Variants in CSMD1 observed in about 807,000 individuals in gnomAD.
CSMD1 encodes CUB and Sushi multiple domains 1.
CSMD1 carries 213 observed loss-of-function variants against 417.5 expected under a neutral mutation model. The ratio of observed to expected loss-of-function variants is 0.51; its 90% CI spans 0.46 to 0.57. The LOEUF is 0.57. Among genes scored for constraint, CSMD1 ranks in the 20% least tolerant of loss-of-function variants. The pLI, the probability that CSMD1 is intolerant of heterozygous loss-of-function variation, is 0.00. For synonymous variants in CSMD1, 2,862 were observed against 1,736.8 expected (o/e 1.65, Z -16.11); for missense variants, 6,923 against 4,529.7 (o/e 1.53, Z -15.17).
chr8:4,576,577 C>T (rs1360620984), intron 2 of CSMD1, among the ~76,000 whole-genome samples: 5 of 152,016 alleles, frequency 3.3e-5, no homozygotes, highest in African/African-American at 4.8e-5. Flanking sequence ...TGGGGTGTGG[C>T]GTTGGGTTAT....
intron 26 of CSMD1, among the ~76,000 whole-genome samples, chr8:3,251,329 C>T (rs1343650963): frequency 6.6e-6 from 1 of 152,224 alleles, no homozygotes; most frequent in African/African-American, 2.4e-5. Context: ...GAATCCTTTC[C>T]CCATTGCTTG....
chr8:4,983,288 G>T (rs141966661), intron 1 of CSMD1, among the ~76,000 whole-genome samples: 2 of 152,304 alleles, frequency 1.3e-5, no homozygotes, highest in East Asian at 3.9e-4. Flanking sequence ...TTCAACGAGT[G>T]TTTTCACAAA....
intron 3 of CSMD1, among the ~76,000 whole-genome samples, chr8:4,408,325 TAAAAC>T (rs1796449370): frequency 6.6e-6 from 1 of 152,176 alleles, no homozygotes; most frequent in African/African-American, 2.4e-5. Context: ...GTAAGCTACT[TAAAAC>T]AAACTGGGAA....
At chr8:3,988,178 C>G (rs74585596) in intron 5 of CSMD1, among the ~76,000 whole-genome samples, 1 of 152,082 alleles carries the variant, frequency 6.6e-6, no homozygotes, top group Non-Finnish European at 1.5e-5. Flanking sequence ...AAATCAGAGT[C>G]TCTAAGCAGT....
At chr8:4,522,395 C>A (rs150802153) in intron 2 of CSMD1, among the ~76,000 whole-genome samples, 5 of 152,084 alleles carry the variant, frequency 3.3e-5, no homozygotes, top group Non-Finnish European at 4.4e-5. Flanking sequence ...AGCGTTAAAA[C>A]GGTATAATAT....
chr8:3,280,366 T>C (rs540334735), intron 26 of CSMD1, among the ~76,000 whole-genome samples: 1 of 152,268 alleles, frequency 6.6e-6, no homozygotes, highest in South Asian at 2.1e-4. Flanking sequence ...GCATTAGAGG[T>C]CAAGATAGAA....
At chr8:3,823,204 T>C (rs1206782467) in intron 5 of CSMD1, among the ~76,000 whole-genome samples, 2 of 152,136 alleles carry the variant, frequency 1.3e-5, no homozygotes, top group East Asian at 1.9e-4. Context: ...GTTTGCAATA[T>C]TGGTGGGTTA....
intron 2 of CSMD1, among the ~76,000 whole-genome samples, chr8:4,512,846 A>C (rs1172314525): frequency 4.6e-5 from 7 of 152,010 alleles, no homozygotes; most frequent in Non-Finnish European, 1.5e-5. Flanking sequence ...AGTACTGTCA[A>C]GTTGTCAGCT....
chr8:3,444,517 C>T lies in CSMD1; in HGVS notation c.1561+24195G>A, dbSNP rs150748969. Among the ~76,000 whole-genome samples the T allele has an allele frequency of 2.0e-3, 302 of 152,258 alleles. 2 individuals carry two copies. The highest frequency in any genetic ancestry group is 0.014 in the Middle Eastern group (4 of 294). On this transcript the variant is annotated intron_variant, in intron 12 of 69. Coordinates refer to ENST00000635120, the MANE Select transcript of CSMD1 (RefSeq NM_033225.6). ...ACCATCTTCTCTCCCCTCATTGGGA[C>T]ATTTGGCAATGTCTGGAGGCATTGG...
chr8:3,214,631 G>C lies in CSMD1; in HGVS notation c.4733C>G (p.Thr1578Arg), dbSNP rs762327000. 1.3e-6 allele frequency: 2 copies of C among 1,554,962 alleles called. No individual in the cohort carries two copies. Among genetic ancestry groups the C allele is most frequent in the Non-Finnish European group, 8.7e-7 (1 of 1,148,716 alleles). The change falls in exon 30 of 70, where the codon ACA becomes AGA. Residue 1578 changes from threonine to arginine, a missense_variant. Thr to Arg is a moderately conservative substitution (Grantham distance 71, BLOSUM62 -1). Transcript: ENST00000635120. ...GNIMNGTRVG[T>R]DFKLGSTITY... ...GATGGTGGAGCCAAGCTTGAAGTCT[G>C]TTCCAACTCTTGTCCCATTCATTAT...
intron 2 of CSMD1, among the ~76,000 whole-genome samples, chr8:4,485,340 T>G (rs1021990824): frequency 6.6e-6 from 1 of 152,178 alleles, no homozygotes; most frequent in African/African-American, 2.4e-5. Context: ...AAACAACCTG[T>G]CTTCATTTTT....
intron 18 of CSMD1, among the ~76,000 whole-genome samples, chr8:3,380,473 G>C (rs1810563483): frequency 6.6e-6 from 1 of 152,080 alleles, no homozygotes; most frequent in Admixed American, 6.6e-5. Context: ...ACAATAGCAA[G>C]GACTTGGAAC....
intron 1 of CSMD1, among the ~76,000 whole-genome samples, chr8:4,723,909 A>T (rs1434311952): frequency 2.0e-5 from 3 of 152,050 alleles, no homozygotes; most frequent in Non-Finnish European, 2.9e-5. Flanking sequence ...TGTCCTGCAT[A>T]TACAGATCTC....
At chr8:4,418,806 A>G (rs1265410219) in intron 3 of CSMD1, among the ~76,000 whole-genome samples, 1 of 152,124 alleles carries the variant, frequency 6.6e-6, no homozygotes, top group Non-Finnish European at 1.5e-5. Context: ...ATAGTAACGT[A>G]CTTAAAGGTG....
At position 4,305,707 on chromosome 8, in the gene CSMD1, T is replaced by C. The variant is rs146539130; in HGVS notation, c.415+114246A>G. Among the ~76,000 whole-genome samples the C allele has an allele frequency of 1.5e-3, 236 of 152,304 alleles. 1 individual carries two copies. Among genetic ancestry groups the C allele is most frequent in the African/African-American group, 5.3e-3 (221 of 41,586 alleles). On this transcript the variant is annotated intron_variant, in intron 3 of 69. Transcript: ENST00000635120. ...CTCAAAATGTGTCCTCCTGCAAAGA[T>C]GGAATGATCTCTTGCATGTACAGAT...
rs74338343 is a variant in CSMD1, at chr8:3,771,831, A to G, written c.819-17789T>C. Among the ~76,000 whole-genome samples, 698 of 152,232 alleles carry G rather than the reference A, an allele frequency of 4.6e-3. 2 individuals are homozygous for G. The highest frequency in any genetic ancestry group is 0.016 in the African/African-American group (650 of 41,534). On this transcript the variant is annotated intron_variant, in intron 5 of 69. Transcript: ENST00000635120. ...ACTATGAGGCAGAATGATCCGTTCA[A>G]TACATTCTCACTCCTTGTCCTTGCT...
At chr8:3,441,092 T>C (rs1814952983) in intron 12 of CSMD1, among the ~76,000 whole-genome samples, 3 of 151,956 alleles carry the variant, frequency 2.0e-5, no homozygotes, top group Non-Finnish European at 2.9e-5. Context: ...AAGAGAAACA[T>C]GTGATATGAA....
At chr8:3,005,611 G>C (rs937569024) in intron 52 of CSMD1, among the ~76,000 whole-genome samples, 3 of 152,164 alleles carry the variant, frequency 2.0e-5, no homozygotes, top group South Asian at 2.1e-4. Flanking sequence ...TGCAAGGCTG[G>C]TTCAATTACA....
intron 41 of CSMD1, among the ~76,000 whole-genome samples, chr8:3,138,044 G>T (rs1269883546): frequency 1.3e-5 from 2 of 152,062 alleles, no homozygotes; most frequent in Non-Finnish European, 2.9e-5. Context: ...GGCCAACATG[G>T]GTGAAACCCT....
Sources: allele counts gnomAD v4.1 joint callset (sites outside exome capture counted in the v4.1 genomes callset), GRCh38; gene constraint gnomAD v4.1.1; transcripts MANE v1.5; gene names NCBI Gene and HGNC (gene_info 2026-07-23, HGNC 2026-07-21).